Variants in NEMP2 observed in about 807,000 individuals in gnomAD.
The protein encoded by NEMP2 is UPF0571 transmembrane protein.
In NEMP2, 53 loss-of-function variants were observed where a neutral mutation model predicts 54.2. The observed-to-expected ratio is 0.98, with a 90% CI of 0.78 to 1.23. The LOEUF is 1.23. Among genes scored for constraint, NEMP2 ranks in the 50% most tolerant of loss-of-function variants. The pLI, the probability that NEMP2 is intolerant of heterozygous loss-of-function variation, is 0.00. For synonymous variants in NEMP2, 197 were observed against 190.3 expected, an observed-to-expected ratio of 1.04 and a Z score of -0.29; for missense variants, 455 against 511.3, an observed-to-expected ratio of 0.89 and a Z score of 1.06.
chr2:190,553,165 G>A, the NEMP2 span: 1 of 151,864 alleles, frequency 6.6e-6, no homozygotes, highest in African/African-American at 2.4e-5. Context: ...TATTTACACA[G>A]TGTTTTCACA....
the NEMP2 span, among the ~76,000 whole-genome samples, chr2:190,612,163 T>A: frequency 1.3e-5 from 2 of 149,014 alleles, no homozygotes; most frequent in Non-Finnish European, 3.0e-5. Flanking sequence ...TTTTTTTTTT[T>A]TTTTTTTTTT....
chr2:190,480,693 A>G, the NEMP2 span, among the ~76,000 whole-genome samples: 1 of 152,186 alleles, frequency 6.6e-6, no homozygotes, highest in Non-Finnish European at 1.5e-5. Context: ...TAACTCCCCT[A>G]CCTATAAGCT....
chr2:190,510,629 TC>T lies in NEMP2; in HGVS notation c.954-93del. 7.2e-7 allele frequency: 1 copy of T among 1,390,082 alleles called. No homozygotes were observed. Among genetic ancestry groups the T allele is most frequent in the Non-Finnish European group, 9.9e-7 (1 of 1,014,396 alleles). The allele number at this position is 1,390,082 out of a possible 1,614,324, so 86.1% of individuals were successfully genotyped here. ...CAGGCTCGGTGGCTCACGCCTGTAA[TC>T]CAGCATTTTGGGAGGCCTGGGGAGG... On this transcript the variant is annotated intron_variant, in intron 7 of 8. Transcript: ENST00000409150. This position sits in a 1 kb window ranked among gnomAD's most constrained non-coding sequence, Gnocchi z 5.7.
chr2:190,614,312 C>T, the NEMP2 span, among the ~76,000 whole-genome samples: 5 of 152,116 alleles, frequency 3.3e-5, no homozygotes, highest in Non-Finnish European at 5.9e-5. This position sits in a 1 kb window ranked among gnomAD's most constrained non-coding sequence, Gnocchi z 5.7. Flanking sequence ...GTCTAAATTA[C>T]ACTTTTTCTT....
At chr2:190,646,283 AG>A in the NEMP2 span, among the ~76,000 whole-genome samples, 2 of 152,228 alleles carry the variant, frequency 1.3e-5, no homozygotes, top group Admixed American at 1.3e-4. Flanking sequence ...GTTACCTTCC[AG>A]GATGGAATGT....
chr2:190,523,496 T>C lies in NEMP2; in HGVS notation c.213+1767A>G, dbSNP rs1163260577. On this transcript the variant is annotated intron_variant, in intron 2 of 8. Coordinates refer to ENST00000409150, the MANE Select transcript of NEMP2 (RefSeq NM_001142645.2). The surrounding 1 kb of genome is among the most constrained non-coding windows in gnomAD (Gnocchi z 5.3). ...GTATTGGAGATCTCAGAACTCACGGTTTCTAATAGGTAGATATAGATGTAT... is the reference window on the plus strand; with the variant it reads ...GTATTGGAGATCTCAGAACTCACGGCTTCTAATAGGTAGATATAGATGTAT... Among the ~76,000 whole-genome samples, 1 of 152,128 alleles carries C rather than the reference T, an allele frequency of 6.6e-6. No homozygotes were observed. Among genetic ancestry groups the C allele is most frequent in the Non-Finnish European group, 1.5e-5 (1 of 68,022 alleles).
the NEMP2 span, among the ~76,000 whole-genome samples, chr2:190,639,573 G>A: frequency 6.6e-6 from 1 of 150,908 alleles, no homozygotes; most frequent in African/African-American, 2.4e-5. Flanking sequence ...TTTGAAGCAG[G>A]ATCTTTGTTA....
downstream of NEMP2, chr2:190,502,209 T>C (rs1222938420): frequency 6.6e-6 from 1 of 152,178 alleles, no homozygotes; most frequent in African/African-American, 2.4e-5. The surrounding 1 kb of genome is among the most constrained non-coding windows in gnomAD (Gnocchi z 4.4). Context: ...ATTTCCAGCC[T>C]TGTGAGCTGA....
chr2:190,460,295 C>T, the NEMP2 span, among the ~76,000 whole-genome samples: 1 of 152,180 alleles, frequency 6.6e-6, no homozygotes, highest in African/African-American at 2.4e-5. Context: ...AGAATATAGA[C>T]ATCTATTTTT....
chr2:190,538,260 A>C (rs999257179), upstream of NEMP2, among the ~76,000 whole-genome samples: 1 of 152,196 alleles, frequency 6.6e-6, no homozygotes, highest in Non-Finnish European at 1.5e-5. This position sits in a 1 kb window ranked among gnomAD's most constrained non-coding sequence, Gnocchi z 4.1. Context: ...TTCACTTAGC[A>C]TAGTGACCTC....
chr2:190,573,587 G>C, the NEMP2 span, among the ~76,000 whole-genome samples: 1 of 152,176 alleles, frequency 6.6e-6, no homozygotes, highest in African/African-American at 2.4e-5. Flanking sequence ...AGATGGCAGA[G>C]TGGAGCCTCA....
chr2:190,617,904 G>A, the NEMP2 span, among the ~76,000 whole-genome samples: 5 of 152,038 alleles, frequency 3.3e-5, no homozygotes, highest in Non-Finnish European at 5.9e-5. The surrounding 1 kb of genome is among the most constrained non-coding windows in gnomAD (Gnocchi z 5.0). Flanking sequence ...GGTTTTTACG[G>A]TTTCATGATC....
At chr2:190,469,746 A>ATTTTTTT in the NEMP2 span, 8 of 1,364,860 alleles carry the variant, frequency 5.9e-6, no homozygotes, top group African/African-American at 4.5e-5. This position sits in a 1 kb window ranked among gnomAD's most constrained non-coding sequence, Gnocchi z 5.3. Flanking sequence ...TTTATTTTTT[A>ATTTTTTT]TTTTTTTTTA....
chr2:190,477,073 A>C, the NEMP2 span: 2 of 97,570 alleles, frequency 2.0e-5, no homozygotes, highest in East Asian at 6.8e-4. Flanking sequence ...GGGAGGGGGG[A>C]GGGATAGCAT....
At position 190,529,061 on chromosome 2, in the gene NEMP2, G is replaced by A. The variant is rs4500977; in HGVS notation, c.98-3683C>T. The stretch of plus-strand genomic sequence containing the variant: ...AGATCTTTTTAAAAACATGAATTGG[G>A]CCCGGGTACAATGGCTCATGCCTGT... On this transcript the variant is annotated intron_variant, in intron 1 of 8. Transcript: ENST00000409150. The surrounding 1 kb of genome is among the most constrained non-coding windows in gnomAD (Gnocchi z 4.7). Among the ~76,000 whole-genome samples the A allele has an allele frequency of 0.53, 80,472 of 151,940 alleles. 22,675 individuals are homozygous for A. Among genetic ancestry groups the A allele is most frequent in the Admixed American group, 0.63 (9,686 of 15,274 alleles).
downstream of NEMP2, chr2:190,501,269 A>G (rs1312623168): frequency 1.3e-5 from 2 of 152,240 alleles, no homozygotes; most frequent in Non-Finnish European, 2.9e-5. Flanking sequence ...ATAGGAAACC[A>G]TGAATGGGAA....
At chr2:190,433,172 A>T in the NEMP2 span, among the ~76,000 whole-genome samples, 1 of 152,250 alleles carries the variant, frequency 6.6e-6, no homozygotes, top group African/African-American at 2.4e-5. This position sits in a 1 kb window ranked among gnomAD's most constrained non-coding sequence, Gnocchi z 4.5. Context: ...TCAGGGAAGG[A>T]TTCAAACTAC....
At chr2:190,470,893 T>C in the NEMP2 span, among the ~76,000 whole-genome samples, 1 of 149,846 alleles carries the variant, frequency 6.7e-6, no homozygotes, top group Non-Finnish European at 1.5e-5. Flanking sequence ...ATTATAATTA[T>C]AAAATTCAAG....
At chr2:190,564,419 A>G in the NEMP2 span, among the ~76,000 whole-genome samples, 1 of 152,166 alleles carries the variant, frequency 6.6e-6, no homozygotes, top group Non-Finnish European at 1.5e-5. The surrounding 1 kb of genome is among the most constrained non-coding windows in gnomAD (Gnocchi z 4.2). Context: ...TTTAGGGCCA[A>G]TTTTATTCAA....
Sources: gnomAD v4.1 joint callset for allele counts (sites outside exome capture counted in the v4.1 genomes callset) on GRCh38, gnomAD v4.1.1 for gene constraint, Gnocchi (gnomAD v3.1) non-coding constraint, MANE v1.5 for transcripts, NCBI Gene and HGNC (gene_info 2026-07-23, HGNC 2026-07-21) for gene names.